Variants in MAN2A1 observed in about 807,000 individuals in gnomAD.
MAN2A1 encodes the protein alpha-mannosidase 2.
In MAN2A1, 76 loss-of-function variants were observed where a neutral mutation model predicts 142.6. The ratio of observed to expected loss-of-function variants is 0.53; its 90% CI spans 0.44 to 0.65. The LOEUF (loss-of-function observed/expected upper bound fraction) is 0.65. MAN2A1 is among the 30% of genes least tolerant of loss of function. The pLI, the probability that MAN2A1 is intolerant of heterozygous loss-of-function variation, is 0.00. For missense variants in MAN2A1, 1,311 were observed against 1,365.1 expected (o/e 0.96, Z 0.62); for synonymous variants, 559 against 473.2 (o/e 1.18, Z -2.35).
intron 5 of MAN2A1, among the ~76,000 whole-genome samples, chr5:109,756,285 A>G (rs1245696840): frequency 3.3e-5 from 5 of 152,204 alleles, no homozygotes; most frequent in African/African-American, 1.2e-4. Flanking sequence ...GATGTCCACT[A>G]TAAAAACTTG....
rs187030386 is a variant in MAN2A1, at chr5:109,780,955, A to G, written c.1375-441A>G. Among the ~76,000 whole-genome samples, 240 of 152,344 alleles carry G rather than the reference A, an allele frequency of 1.6e-3. 1 individual carries two copies. Among genetic ancestry groups the G allele is most frequent in the African/African-American group, 5.5e-3 (227 of 41,572 alleles). ...ATGATATATGAAATACCTTATGGCT[A>G]ACAGAATTATTCTTCTAGACTTTAT... On this transcript the variant is annotated intron_variant, in intron 8 of 21. Coordinates refer to ENST00000261483, the MANE Select transcript of MAN2A1 (RefSeq NM_002372.4).
intron 19 of MAN2A1, among the ~76,000 whole-genome samples, chr5:109,852,019 G>C (rs1755493972): frequency 6.6e-6 from 1 of 151,490 alleles, no homozygotes; most frequent in Admixed American, 6.6e-5. Flanking sequence ...TCCACAATAG[G>C]ACTGAATGCC....
chr5:109,739,612 C>G (rs1428683401), intron 4 of MAN2A1, among the ~76,000 whole-genome samples: 2 of 152,088 alleles, frequency 1.3e-5, no homozygotes, highest in Non-Finnish European at 2.9e-5. Context: ...CAAGTATTTC[C>G]CTCCTTTTTT....
At chr5:109,738,956 A>G (rs1307493531) in intron 4 of MAN2A1, among the ~76,000 whole-genome samples, 1 of 151,920 alleles carries the variant, frequency 6.6e-6, no homozygotes, top group African/African-American at 2.4e-5. Context: ...TGATCCTCCC[A>G]CTTCAGCTTT....
At chr5:109,797,519 G>A (rs747385918) in intron 12 of MAN2A1, among the ~76,000 whole-genome samples, 23 of 152,218 alleles carry the variant, frequency 1.5e-4, no homozygotes, top group Admixed American at 2.6e-4. Flanking sequence ...TTTTAAGAAT[G>A]TAGACAAAAG....
At chr5:109,774,761 GT>G in intron 7 of MAN2A1, 26 bp from the exon 8 acceptor site, 1 of 1,573,342 alleles carries the variant, frequency 6.4e-7, no homozygotes, top group South Asian at 1.2e-5. Flanking sequence ...CATATTTGCT[GT>G]TTTTTTGTGT....
intron 1 of MAN2A1, among the ~76,000 whole-genome samples, chr5:109,696,679 G>T (rs1750821486): frequency 6.6e-6 from 1 of 152,206 alleles, no homozygotes; most frequent in African/African-American, 2.4e-5. Context: ...AACCAACAAT[G>T]TCTCCAGACA....
At chr5:109,850,217 A>G (rs1417099930) in intron 19 of MAN2A1, among the ~76,000 whole-genome samples, 1 of 152,204 alleles carries the variant, frequency 6.6e-6, no homozygotes, top group Non-Finnish European at 1.5e-5. Context: ...TATATGTCAT[A>G]TGAATGAATA....
intron 3 of MAN2A1, among the ~76,000 whole-genome samples, chr5:109,723,641 A>G (rs1751665859): frequency 6.6e-6 from 1 of 152,172 alleles, no homozygotes; most frequent in African/African-American, 2.4e-5. Flanking sequence ...GAAAACCCTC[A>G]TGTCCTCCCT....
intron 4 of MAN2A1, among the ~76,000 whole-genome samples, chr5:109,747,268 C>T (rs555121655): frequency 1.1e-3 from 165 of 152,164 alleles, no homozygotes; most frequent in Middle Eastern, 3.4e-3. Context: ...AAATATTTTA[C>T]ATAGACATAA....
intron 5 of MAN2A1, among the ~76,000 whole-genome samples, chr5:109,764,194 A>C (rs1203250156): frequency 1.3e-5 from 2 of 152,158 alleles, no homozygotes; most frequent in Non-Finnish European, 2.9e-5. Flanking sequence ...TATAGTATTA[A>C]ATATACTTAG....
chr5:109,710,151 T>TA (rs1751254899), intron 1 of MAN2A1, among the ~76,000 whole-genome samples: 1 of 152,344 alleles, frequency 6.6e-6, no homozygotes, highest in Admixed American at 6.5e-5. Flanking sequence ...TCCATGTACT[T>TA]AATTCAGTAC....
chr5:109,763,174 T>C (rs373700140), intron 5 of MAN2A1, among the ~76,000 whole-genome samples: 14 of 152,334 alleles, frequency 9.2e-5, no homozygotes, highest in Admixed American at 5.9e-4. Flanking sequence ...ATGTGGCACC[T>C]AGCACAAGTG....
chr5:109,713,477 A>T, intron 1 of MAN2A1, 43 bp from the exon 2 acceptor site: 1 of 1,532,546 alleles, frequency 6.5e-7, no homozygotes, highest in Non-Finnish European at 8.8e-7. Flanking sequence ...CAGCAGATCT[A>T]TATTAGTATT....
chr5:109,777,162 T>G (rs1366890795), intron 8 of MAN2A1, among the ~76,000 whole-genome samples: 1 of 152,122 alleles, frequency 6.6e-6, no homozygotes, highest in Non-Finnish European at 1.5e-5. Context: ...TTAGTATATA[T>G]TGCCAAACTG....
intron 10 of MAN2A1, 134 bp from the exon 11 acceptor site, chr5:109,788,800 C>T (rs1753663706): frequency 3.5e-6 from 2 of 579,432 alleles, no homozygotes; most frequent in South Asian, 2.3e-5. Flanking sequence ...GCAGGTTTGT[C>T]ATAGATTCAT....
At chr5:109,819,936 T>A (rs761514336) in intron 14 of MAN2A1, 49 bp downstream of exon 14, 3 of 1,316,916 alleles carry the variant, frequency 2.3e-6, no homozygotes, top group Middle Eastern at 3.9e-4. Flanking sequence ...TCATTTTTGC[T>A]ACAATGTGTG....
chr5:109,795,942 C>G (rs1386898635), intron 12 of MAN2A1, among the ~76,000 whole-genome samples: 1 of 152,162 alleles, frequency 6.6e-6, no homozygotes, highest in Non-Finnish European at 1.5e-5. Flanking sequence ...AGCTAACAGG[C>G]TGTTAGCTAG....
chr5:109,722,185 A>T (rs1409603919), intron 3 of MAN2A1, among the ~76,000 whole-genome samples: 1 of 152,224 alleles, frequency 6.6e-6, no homozygotes, highest in African/African-American at 2.4e-5. Flanking sequence ...AATGTCAACT[A>T]CTTTAGTATT....
Sources: allele counts gnomAD v4.1 joint callset (sites outside exome capture counted in the v4.1 genomes callset), GRCh38; gene constraint gnomAD v4.1.1; transcripts MANE v1.5; gene names NCBI Gene and HGNC (gene_info 2026-07-23, HGNC 2026-07-21).